SLC7A2: variants seen among roughly 807,000 people sequenced by gnomAD.
SLC7A2 encodes the protein solute carrier family 7 member 2, also known as cationic amino acid transporter 2.
In SLC7A2, 48 loss-of-function variants were observed where a neutral mutation model predicts 58.9. The observed-to-expected ratio is 0.82, with a 90% CI of 0.65 to 1.04. The LOEUF (loss-of-function observed/expected upper bound fraction) is 1.04, where lower values mean the gene tolerates loss of function less well. Among genes scored for constraint, SLC7A2 ranks in the 50% least tolerant of loss-of-function variants. The pLI is 0.00. For missense variants in SLC7A2, 1,029 were observed against 818.8 expected (o/e 1.26, Z -3.13); for synonymous variants, 363 against 314.5 (o/e 1.15, Z -1.63).
chr8:17,536,659 C>G (rs1416331916), intron 2 of SLC7A2, among the ~76,000 whole-genome samples: 1 of 152,054 alleles, frequency 6.6e-6, no homozygotes, highest in South Asian at 2.1e-4. Flanking sequence ...ACTTTAAGTA[C>G]GGTATTGGAA....
chr8:17,547,616 A>G (rs896892174), intron 4 of SLC7A2, among the ~76,000 whole-genome samples: 6 of 152,260 alleles, frequency 3.9e-5, no homozygotes, highest in Non-Finnish European at 8.8e-5. Flanking sequence ...TGGAAAGTGT[A>G]GAAAGATATT....
At chr8:17,532,908 C>T (rs1417649220) in intron 2 of SLC7A2, among the ~76,000 whole-genome samples, 1 of 151,272 alleles carries the variant, frequency 6.6e-6, no homozygotes, top group Non-Finnish European at 1.5e-5. Context: ...CTTTTGTTAC[C>T]CCAAAACAAA....
chr8:17,506,078 C>A (rs1358787145), intron 2 of SLC7A2, among the ~76,000 whole-genome samples: 1 of 152,196 alleles, frequency 6.6e-6, no homozygotes, highest in Non-Finnish European at 1.5e-5. Flanking sequence ...CAAAAGAAAG[C>A]CCTCTTTTAA....
In SLC7A2 at chr8:17,566,720, G is replaced by T. The variant is rs1011866689; in HGVS notation, c.*1574G>T. On this transcript the variant is annotated 3_prime_UTR_variant, in exon 13 of 13. Transcript: ENST00000494857. ...CTAATTGTCATATTTTACTTTTTAG[G>T]ATTCCCTAATAGTGGACTGTTTATT... 1.3e-4 allele frequency: 20 copies of T among 151,966 alleles called. No individual in the cohort carries two copies. The highest frequency in any genetic ancestry group is 4.8e-4 in the African/African-American group (20 of 41,366). 9.4% of individuals were successfully genotyped at this position (151,966 alleles called of 1,614,324 possible).
chr8:17,550,279 A>G (rs202142338), intron 5 of SLC7A2, 22 bp from the exon 6 acceptor site: 329 of 1,609,430 alleles, frequency 2.0e-4, no homozygotes, highest in Non-Finnish European at 2.6e-4. Flanking sequence ...TGACTTTCCA[A>G]TGTGTTTGTT....
At chr8:17,522,092 C>T (rs981263026) in intron 2 of SLC7A2, among the ~76,000 whole-genome samples, 7 of 152,144 alleles carry the variant, frequency 4.6e-5, no homozygotes, top group Admixed American at 3.3e-4. Context: ...TAAAGACGTA[C>T]CCAAGATTGG....
At chr8:17,550,998 T>C (rs1303896554) in intron 6 of SLC7A2, among the ~76,000 whole-genome samples, 1 of 152,220 alleles carries the variant, frequency 6.6e-6, no homozygotes, top group Admixed American at 6.5e-5. Flanking sequence ...TTTTTTAAAT[T>C]GAAATTAGAA....
chr8:17,546,523 G>C (rs1802181726), intron 4 of SLC7A2, among the ~76,000 whole-genome samples: 1 of 152,144 alleles, frequency 6.6e-6, no homozygotes. Context: ...TGAGACCTCA[G>C]AGTAGACAGT....
chr8:17,536,344 C>G (rs754052755), intron 2 of SLC7A2, among the ~76,000 whole-genome samples: 2 of 152,082 alleles, frequency 1.3e-5, no homozygotes, highest in Non-Finnish European at 2.9e-5. Flanking sequence ...GAAGGAAGAT[C>G]ACTTGAGGTC....
At position 17,566,027 on chromosome 8, in the gene SLC7A2, C is replaced by T. The variant is rs956036066; in HGVS notation, c.*881C>T. ...CAGGGCCAGAAAGCTCATGGAGTGG[C>T]CGTAATGAGAATATGTTTGAAGATC... On this transcript the variant is annotated 3_prime_UTR_variant, in exon 13 of 13. Coordinates refer to ENST00000494857, the MANE Select transcript of SLC7A2 (RefSeq NM_001370338.1). The T allele has an allele frequency of 6.9e-6, 1 of 145,284 alleles. No homozygotes were observed. The highest frequency in any genetic ancestry group is 1.5e-5 in the Non-Finnish European group (1 of 67,250). 9.0% of individuals were successfully genotyped at this position (145,284 alleles called of 1,614,324 possible).
At chr8:17,550,970 A>G (rs1802421740) in intron 6 of SLC7A2, among the ~76,000 whole-genome samples, 1 of 152,226 alleles carries the variant, frequency 6.6e-6, no homozygotes. Context: ...CAGTCTCATT[A>G]GTGTACAAAG....
Position 17,535,770 on chromosome 8 carries a change from G to A in SLC7A2, c.-22-7548G>A, listed in dbSNP as rs117302462. ...ATACAAAAATTAGCTAAGTGTGGTG[G>A]TGGGCGCCTGTAGTCACAGATACTT... On this transcript the variant is annotated intron_variant, in intron 2 of 12. Coordinates refer to ENST00000494857, the MANE Select transcript of SLC7A2 (RefSeq NM_001370338.1). Among the ~76,000 whole-genome samples the A allele has an allele frequency of 6.5e-3, 982 of 152,114 alleles. 8 individuals carry two copies. The highest frequency in any genetic ancestry group is 0.032 in the South Asian group (155 of 4,796).
At chr8:17,501,241 T>A (rs1028906764) in intron 1 of SLC7A2, among the ~76,000 whole-genome samples, 1 of 152,150 alleles carries the variant, frequency 6.6e-6, no homozygotes, top group Non-Finnish European at 1.5e-5. Context: ...CTCGAAATCC[T>A]GGCCTCAAGT....
At position 17,567,894 on chromosome 8, in the gene SLC7A2, T is replaced by A. The variant is rs1477723116; in HGVS notation, c.*2748T>A. 4 of 152,224 alleles carry A rather than the reference T, an allele frequency of 2.6e-5. No homozygotes were observed. The highest frequency in any genetic ancestry group is 2.1e-4 in the South Asian group (1 of 4,830). 9.4% of individuals were successfully genotyped at this position (152,224 alleles called of 1,614,324 possible). A position where few individuals can be genotyped will look rare whatever the true frequency, so the allele number is the denominator to read the frequency against. ...GTAGGGGCATTTGGGGATTCCTGTT[T>A]ACTTGCTGCTGCCACACCTTTTCCG... On this transcript the variant is annotated 3_prime_UTR_variant, in exon 13 of 13. Coordinates refer to ENST00000494857, the MANE Select transcript of SLC7A2 (RefSeq NM_001370338.1).
chr8:17,544,329 T>C (rs1802061773), intron 3 of SLC7A2, 122 bp from the exon 4 acceptor site: 5 of 731,340 alleles, frequency 6.8e-6, no homozygotes, highest in Non-Finnish European at 9.3e-6. Context: ...ATCCAGATAC[T>C]GTATATGTGA....
intron 2 of SLC7A2, among the ~76,000 whole-genome samples, chr8:17,528,093 T>C (rs1392641783): frequency 1.3e-5 from 2 of 152,100 alleles, no homozygotes; most frequent in African/African-American, 4.8e-5. Flanking sequence ...GGCACTCAGA[T>C]GCTTAGTGTT....
At chr8:17,542,650 C>CAAAAAAAA (rs148911251) in intron 2 of SLC7A2, among the ~76,000 whole-genome samples, 4 of 135,034 alleles carry the variant, frequency 3.0e-5, no homozygotes, top group Admixed American at 7.4e-5. Context: ...GACCCTGTCT[C>CAAAAAAAA]AAAAAAAAAA....
At chr8:17,495,373 G>T (rs929704655), upstream of SLC7A2, among the ~76,000 whole-genome samples, 2 of 152,122 alleles carry the variant, frequency 1.3e-5, no homozygotes, top group Non-Finnish European at 2.9e-5. Flanking sequence ...GAGGAATCTG[G>T]TGTTAAAAGT....
At position 17,553,630 on chromosome 8, in the gene SLC7A2, A is replaced by G. The variant is rs138727797; in HGVS notation, c.1056-930A>G. Among the ~76,000 whole-genome samples the G allele has an allele frequency of 8.0e-3, 1,217 of 152,172 alleles. 11 individuals carry two copies. Among genetic ancestry groups the G allele is most frequent in the Middle Eastern group, 0.017 (5 of 294 alleles). On this transcript the variant is annotated intron_variant, in intron 7 of 12. Transcript: ENST00000494857. ...CACAAAAAATTCAAGAAATTAGCTG[A>G]GCATGGTGGCATGCGCCTTTAGTCC...
Sources: gnomAD v4.1 joint callset for allele counts (sites outside exome capture counted in the v4.1 genomes callset) on GRCh38, gnomAD v4.1.1 for gene constraint, MANE v1.5 for transcripts, NCBI Gene and HGNC (gene_info 2026-07-23, HGNC 2026-07-21) for gene names.